Variants in SPOCK1 observed in about 807,000 individuals in gnomAD.
SPOCK1 encodes SPARC (osteonectin), cwcv and kazal like domains proteoglycan 1.
SPOCK1 carries 23 observed loss-of-function variants against 55.3 expected under a neutral mutation model. The observed-to-expected ratio is 0.42, with a 90% CI of 0.30 to 0.59. The LOEUF (loss-of-function observed/expected upper bound fraction) is 0.59. Ranked by LOEUF, SPOCK1 falls within the 20% of genes least tolerant of loss-of-function variation. The pLI, the probability that SPOCK1 is intolerant of heterozygous loss-of-function variation, is 0.22. For synonymous variants in SPOCK1, 226 were observed against 221.0 expected (o/e 1.02, Z -0.20); for missense variants, 499 against 552.5 (o/e 0.90, Z 0.97).
intron 3 of SPOCK1, among the ~76,000 whole-genome samples, chr5:137,216,324 A>G (rs1304877060): frequency 6.6e-6 from 1 of 152,216 alleles, no homozygotes; most frequent in Non-Finnish European, 1.5e-5. Flanking sequence ...TCAGTTCAAC[A>G]TCCAGACATT....
chr5:137,101,909 A>C (rs1328975127), intron 5 of SPOCK1, among the ~76,000 whole-genome samples: 1 of 152,186 alleles, frequency 6.6e-6, no homozygotes, highest in African/African-American at 2.4e-5. Flanking sequence ...CCCATAGATG[A>C]ACTTCCTCTT....
At chr5:137,406,699 G>C (rs140282351) in intron 2 of SPOCK1, among the ~76,000 whole-genome samples, 3 of 152,150 alleles carry the variant, frequency 2.0e-5, no homozygotes, top group African/African-American at 4.8e-5. Flanking sequence ...TCTATGGATA[G>C]CTCTAGTTAG....
rs368030352 is a variant in SPOCK1 at position 137,191,379 on chromosome 5, T to TAATCTTTGCTAAGAAA, written c.233-50686_233-50685insTTTCTTAGCAAAGATT. 2.8e-3 allele frequency among the ~76,000 whole-genome samples: 432 copies of TAATCTTTGCTAAGAAA among 152,330 alleles called. 2 individuals are homozygous for TAATCTTTGCTAAGAAA. Among genetic ancestry groups the TAATCTTTGCTAAGAAA allele is most frequent in the African/African-American group, 9.5e-3 (393 of 41,584 alleles). ...TTGCTAAGCAAACCACAGGATCTCA[T>TAATCTTTGCTAAGAAA]ACCACTGGTTTCCAGAGAAGGCCTG... On this transcript the variant is annotated intron_variant, in intron 3 of 10. Transcript: ENST00000394945.
chr5:137,245,788 A>C lies in SPOCK1; in HGVS notation c.232+21222T>G, dbSNP rs201449815. On this transcript the variant is annotated intron_variant, in intron 3 of 10. Transcript: ENST00000394945. ...AAACAAAACAAAACAAAAAAAAAAC[A>C]AAAAAAAAAACTGTCTTGAGATATT... Among the ~76,000 whole-genome samples, 360 of 96,082 alleles carry C rather than the reference A, an allele frequency of 3.7e-3. 3 individuals are homozygous for C. Among genetic ancestry groups the C allele is most frequent in the African/African-American group, 0.012 (247 of 21,400 alleles). 63.0% of individuals were successfully genotyped at this position (96,082 alleles called of 152,430 possible). A position where few individuals can be genotyped will look rare whatever the true frequency, so the allele number is the denominator to read the frequency against.
chr5:137,171,703 C>T (rs1561635544), intron 3 of SPOCK1, among the ~76,000 whole-genome samples: 1 of 152,180 alleles, frequency 6.6e-6, no homozygotes, highest in African/African-American at 2.4e-5. Flanking sequence ...CGCTGGCACA[C>T]GGTATGCATT....
intron 3 of SPOCK1, among the ~76,000 whole-genome samples, chr5:137,142,577 A>T (rs754006396): frequency 6.6e-6 from 1 of 152,232 alleles, no homozygotes; most frequent in Non-Finnish European, 1.5e-5. Flanking sequence ...TGACTCTGAT[A>T]CTTGGAGCTT....
chr5:137,044,431 G>A (rs188205800), intron 6 of SPOCK1, among the ~76,000 whole-genome samples: 22 of 152,266 alleles, frequency 1.4e-4, no homozygotes, highest in Admixed American at 3.9e-4. Flanking sequence ...GTACTTAAAC[G>A]CCCAGGTGGA....
intron 2 of SPOCK1, among the ~76,000 whole-genome samples, chr5:137,463,535 G>T (rs1324667519): frequency 1.2e-5 from 1 of 82,064 alleles, no homozygotes; most frequent in African/African-American, 4.7e-5. Context: ...GTGGGGGGGT[G>T]TTGGGAGGAG....
Position 136,983,058 on chromosome 5 carries a change from T to TGGAAGAATTCTTCCTCTTTGTGTAAC in SPOCK1, c.991+2056_991+2081dup, listed in dbSNP as rs1750764216. On this transcript the variant is annotated intron_variant, in intron 9 of 10. Transcript: ENST00000394945. ...GTTTCTTGATAGTGTGCATCTTCTA[T>TGGAAGAATTCTTCCTCTTTGTGTAAC]GGAAGAATTCTTCCTCTTTGTGTAA... 3.3e-5 allele frequency among the ~76,000 whole-genome samples: 5 copies of TGGAAGAATTCTTCCTCTTTGTGTAAC among 152,356 alleles called. No individual in the cohort carries two copies. The South Asian group carries it at 1.0e-3, about 32-fold the overall frequency.
At position 137,192,197 on chromosome 5, in the gene SPOCK1, C is replaced by T. The variant is rs139645950; in HGVS notation, c.233-51503G>A. Among the ~76,000 whole-genome samples, 757 of 139,920 alleles carry T rather than the reference C, an allele frequency of 5.4e-3. 3 individuals carry two copies. The highest frequency in any genetic ancestry group is 8.1e-3 in the Non-Finnish European group (532 of 65,914). The allele number at this position is 139,920 out of a possible 152,430, so 91.8% of individuals were successfully genotyped here. A position where few individuals can be genotyped will look rare whatever the true frequency, so the allele number is the denominator to read the frequency against. ...AGGTTGAGCCGAGATCACACCACTG[C>T]ACTCCAGCCTGGGTGACAGAGCAAG... is the stretch of plus-strand genomic sequence containing the variant. On this transcript the variant is annotated intron_variant, in intron 3 of 10. Transcript: ENST00000394945.
intron 3 of SPOCK1, among the ~76,000 whole-genome samples, chr5:137,243,992 G>A (rs1274286287): frequency 6.6e-6 from 1 of 152,072 alleles, no homozygotes; most frequent in Non-Finnish European, 1.5e-5. Context: ...AGGTGGCAAT[G>A]GCCCTCTTTC....
intron 5 of SPOCK1, among the ~76,000 whole-genome samples, chr5:137,105,989 T>C (rs1261478932): frequency 6.6e-6 from 1 of 151,938 alleles, no homozygotes; most frequent in Non-Finnish European, 1.5e-5. Flanking sequence ...TAGTGGGCCC[T>C]CTCCTCAAAG....
chr5:137,393,578 G>T (rs1230629831), intron 2 of SPOCK1, among the ~76,000 whole-genome samples: 1 of 152,208 alleles, frequency 6.6e-6, no homozygotes, highest in East Asian at 1.9e-4. Flanking sequence ...ATCAAGAAAA[G>T]TTCACAGCAC....
intron 4 of SPOCK1, among the ~76,000 whole-genome samples, chr5:137,139,749 A>C (rs1754058645): frequency 6.6e-6 from 1 of 152,190 alleles, no homozygotes; most frequent in Non-Finnish European, 1.5e-5. Flanking sequence ...GAAGTGCAGA[A>C]TATGCACTGA....
chr5:137,385,138 T>C (rs1205249597), intron 2 of SPOCK1, among the ~76,000 whole-genome samples: 1 of 152,214 alleles, frequency 6.6e-6, no homozygotes, highest in Non-Finnish European at 1.5e-5. Context: ...CCAGGAAGCC[T>C]TCCTAATACC....
chr5:137,301,179 A>T (rs1314316696), intron 2 of SPOCK1, among the ~76,000 whole-genome samples: 1 of 152,196 alleles, frequency 6.6e-6, no homozygotes, highest in Non-Finnish European at 1.5e-5. Flanking sequence ...CAGGACCTAT[A>T]GAGGGACCTC....
chr5:137,296,289 A>G (rs1009808517), intron 2 of SPOCK1, among the ~76,000 whole-genome samples: 2 of 152,198 alleles, frequency 1.3e-5, no homozygotes, highest in Non-Finnish European at 2.9e-5. Context: ...CTGAGGAAAC[A>G]AAAGCACAGA....
At chr5:137,111,674 A>G (rs1336035694) in intron 5 of SPOCK1, among the ~76,000 whole-genome samples, 7 of 152,138 alleles carry the variant, frequency 4.6e-5, no homozygotes, top group Admixed American at 3.9e-4. Flanking sequence ...AGAACAAATT[A>G]TCACCTCCTT....
At chr5:137,377,664 AT>A (rs1160041982) in intron 2 of SPOCK1, among the ~76,000 whole-genome samples, 2 of 152,210 alleles carry the variant, frequency 1.3e-5, no homozygotes, top group Non-Finnish European at 1.5e-5. Context: ...AAGCAATTCA[AT>A]AAGCTGACAG....
Sources: allele counts gnomAD v4.1 joint callset (sites outside exome capture counted in the v4.1 genomes callset), GRCh38; gene constraint gnomAD v4.1.1; transcripts MANE v1.5; gene names NCBI Gene and HGNC (gene_info 2026-07-23, HGNC 2026-07-21).